The following OTOGL variants were observed in gnomAD, a reference collection of about 807,000 sequenced individuals.
The protein encoded by OTOGL is otogelin like, also known as otogelin-like protein.
OTOGL carries 285 observed loss-of-function variants against 318.5 expected under a neutral mutation model. That is an observed-to-expected ratio of 0.89 (90% CI 0.81 to 0.99). The LOEUF (loss-of-function observed/expected upper bound fraction) is 0.99. OTOGL is among the 50% of genes least tolerant of loss of function. OTOGL has a pLI of 0.00. For missense variants in OTOGL, 2,899 were observed against 2,845.6 expected (o/e 1.02, Z -0.43); for synonymous variants, 987 against 936.5 (o/e 1.05, Z -0.99).
chr12:80,120,835 A>G (rs1362816656), intron 1 of OTOGL, among the ~76,000 whole-genome samples: 1 of 152,196 alleles, frequency 6.6e-6, no homozygotes, highest in Non-Finnish European at 1.5e-5. Flanking sequence ...AGTAGACACT[A>G]TGGAGCATAG....
chr12:80,254,384 TTTTTG>T (rs1881838567), intron 14 of OTOGL, 135 bp from the exon 15 acceptor site: 2 of 395,146 alleles, frequency 5.1e-6, no homozygotes, highest in African/African-American at 2.2e-5. Flanking sequence ...TTTATTTTAT[TTTTTG>T]CAGAGATTTT....
intron 1 of OTOGL, among the ~76,000 whole-genome samples, chr12:80,158,200 G>A (rs1443893356): frequency 6.6e-6 from 1 of 152,002 alleles, no homozygotes; most frequent in East Asian, 1.9e-4. Context: ...TTGTTTGATT[G>A]CAAATTCTGA....
At chr12:80,303,053 A>G (rs1885872022) in intron 28 of OTOGL, among the ~76,000 whole-genome samples, 2 of 152,106 alleles carry the variant, frequency 1.3e-5, no homozygotes, top group Admixed American at 6.5e-5. Context: ...TAATTATGTG[A>G]TCTGTTCATA....
At position 80,255,052 on chromosome 12, in the gene OTOGL, T is replaced by A; in HGVS notation, c.1454T>A (p.Val485Asp). 3 of 1,501,796 alleles carry A rather than the reference T, an allele frequency of 2.0e-6. No homozygotes were observed. The highest frequency in any genetic ancestry group is 2.7e-6 in the Non-Finnish European group (3 of 1,130,222). The allele number at this position is 1,501,796 out of a possible 1,614,324, so 93.0% of individuals were successfully genotyped here. Reference sequence around the variant, plus strand: ...TTTTTTTTGGCAGTTCAATGCTCAGTTGTAGGTGATTCTCACTTTACAACT... The same window carrying A: ...TTTTTTTTGGCAGTTCAATGCTCAGATGTAGGTGATTCTCACTTTACAACT... ...TEQDCPVQCS[V>D]VGDSHFTTFD... is the part of the protein sequence containing the mutation. The change falls in exon 16 of 59, where the codon GTT becomes GAT. Residue 485 changes from valine to aspartate, a missense_variant. Physicochemically the swap from Val to Asp is radical, Grantham distance 152 (BLOSUM62 -3). Coordinates refer to ENST00000547103, the MANE Select transcript of OTOGL (RefSeq NM_001378609.3).
At chr12:80,340,236 A>C (rs1451092) in intron 43 of OTOGL, among the ~76,000 whole-genome samples, 131,021 of 152,058 alleles carry the variant, frequency 0.86, 58,442 homozygotes, top group Non-Finnish European at 0.98. Context: ...CTTGCCCTCA[A>C]TAAATTACAC....
chr12:80,317,585 T>G (rs11114398), intron 32 of OTOGL, among the ~76,000 whole-genome samples: 7,702 of 152,248 alleles, frequency 0.051, 670 homozygotes, highest in African/African-American at 0.18. Flanking sequence ...TTGTATCTCA[T>G]TATAATTCAC....
intron 26 of OTOGL, among the ~76,000 whole-genome samples, chr12:80,283,427 TCA>T: frequency 6.6e-6 from 1 of 152,114 alleles, no homozygotes; most frequent in Admixed American, 6.6e-5. Flanking sequence ...TGTGTTCAGC[TCA>T]CAGTTATCTG....
chr12:80,229,139 A>C lies in OTOGL; in HGVS notation c.490-118A>C, dbSNP rs947720848. 12 of 1,170,826 alleles carry C rather than the reference A, an allele frequency of 1.0e-5. No individual in the cohort carries two copies. In the Admixed American group the frequency reaches 1.2e-4, roughly 12 times the overall value. The allele number at this position is 1,170,826 out of a possible 1,614,324, so 72.5% of individuals were successfully genotyped here. A position where few individuals can be genotyped will look rare whatever the true frequency, so the allele number is the denominator to read the frequency against. On this transcript the variant is annotated intron_variant, in intron 7 of 58. Coordinates refer to ENST00000547103, the MANE Select transcript of OTOGL (RefSeq NM_001378609.3). Reference sequence around the variant, plus strand: ...CTCAGAAATCCCAAATGTAGTTATAACGTTGTAAAGTGTCATGGGACTAAT... The same window carrying C: ...CTCAGAAATCCCAAATGTAGTTATACCGTTGTAAAGTGTCATGGGACTAAT...
At chr12:80,160,598 G>T (rs567026070) in intron 1 of OTOGL, among the ~76,000 whole-genome samples, 22 of 152,190 alleles carry the variant, frequency 1.4e-4, no homozygotes, top group African/African-American at 4.8e-4. Context: ...TGTTGGTGTG[G>T]ATGTGGTGAA....
At chr12:80,253,394 AATT>A in intron 13 of OTOGL, 69 bp from the exon 14 acceptor site, 1 of 1,394,694 alleles carries the variant, frequency 7.2e-7, no homozygotes, top group Admixed American at 1.8e-5. Context: ...AAGTTGGTTG[AATT>A]ATTATATTCC....
intron 1 of OTOGL, among the ~76,000 whole-genome samples, chr12:80,172,955 G>T (rs1288625555): frequency 6.6e-6 from 1 of 152,154 alleles, no homozygotes; most frequent in Non-Finnish European, 1.5e-5. Context: ...GGAGGAGGGA[G>T]CACATCAGGA....
chr12:80,362,577 ATATCT>A (rs1890302041), intron 52 of OTOGL, among the ~76,000 whole-genome samples: 3 of 152,206 alleles, frequency 2.0e-5, no homozygotes, highest in Admixed American at 1.3e-4. Context: ...AGTAGTATAG[ATATCT>A]TAACAATAAA....
At chr12:80,359,210 T>G (rs1421396420) in intron 52 of OTOGL, among the ~76,000 whole-genome samples, 1 of 152,192 alleles carries the variant, frequency 6.6e-6, no homozygotes, top group Non-Finnish European at 1.5e-5. Context: ...TGAGTGGTGT[T>G]GCTAATGATT....
At chr12:80,163,538 A>T (rs996323427) in intron 1 of OTOGL, among the ~76,000 whole-genome samples, 26 of 146,934 alleles carry the variant, frequency 1.8e-4, no homozygotes, top group Admixed American at 1.1e-3. Context: ...CTTTGAAATC[A>T]GAGTTTTTAT....
intron 55 of OTOGL, 60 bp downstream of exon 55, chr12:80,368,369 A>C (rs1315694471): frequency 7.6e-7 from 1 of 1,307,304 alleles, no homozygotes; most frequent in African/African-American, 1.5e-5. Flanking sequence ...TCTTGAGTCA[A>C]AGTTTGGAAA....
intron 1 of OTOGL, among the ~76,000 whole-genome samples, chr12:80,149,725 A>G (rs1479831730): frequency 1.3e-5 from 2 of 152,206 alleles, no homozygotes; most frequent in Non-Finnish European, 2.9e-5. Flanking sequence ...TCGAGACTCC[A>G]TGGGCGTAGG....
Position 80,356,422 on chromosome 12 carries a change from A to G in OTOGL, c.5813A>G (p.Asp1938Gly). The G allele has an allele frequency of 6.2e-7, 1 of 1,609,242 alleles. No homozygotes were observed. The highest frequency in any genetic ancestry group is 8.5e-7 in the Non-Finnish European group (1 of 1,177,560). Reference sequence around the variant, plus strand: ...CAGTTTTTCTTATTTATAGGATGTGACACGACTTTGTGTGAAACTAGCATT... The same window carrying G: ...CAGTTTTTCTTATTTATAGGATGTGGCACGACTTTGTGTGAAACTAGCATT... ...TCCSKEVCGC[D>G]TTLCETSIPT... Residue 1938 changes from aspartate to glycine, a missense_variant, in exon 48 of 59, where the codon GAC (aspartate) becomes GGC (glycine). Asp to Gly is a moderately conservative substitution (Grantham distance 94, BLOSUM62 -1). Around this residue, in one of 3 missense-constraint regions of OTOGL, gnomAD observed 2,607 missense variants for 2,524.9 expected, o/e 1.03. Transcript: ENST00000547103.
chr12:80,350,382 C>T (rs1889469611), intron 44 of OTOGL, among the ~76,000 whole-genome samples: 1 of 152,156 alleles, frequency 6.6e-6, no homozygotes, highest in Admixed American at 6.5e-5. Context: ...GCAGACATCT[C>T]TGTGACATAC....
intron 11 of OTOGL, among the ~76,000 whole-genome samples, chr12:80,244,672 G>A (rs928881334): frequency 6.7e-6 from 1 of 149,654 alleles, no homozygotes; most frequent in Non-Finnish European, 1.5e-5. Context: ...ATACCTTTGG[G>A]TATATACCCA....
Sources: allele counts gnomAD v4.1 joint callset (sites outside exome capture counted in the v4.1 genomes callset), GRCh38; gene constraint gnomAD v4.1.1; regional missense constraint gnomAD v4.1.1; transcripts MANE v1.5; gene names NCBI Gene and HGNC (gene_info 2026-07-23, HGNC 2026-07-21).